The following KCNG4 variants were observed in gnomAD, a reference collection of about 807,000 sequenced individuals.
KCNG4 encodes potassium voltage-gated channel modifier subfamily G member 4.
KCNG4 carries 30 observed loss-of-function variants against 28.2 expected under a neutral mutation model. The observed-to-expected ratio is 1.06, with a 90% CI of 0.80 to 1.44. KCNG4 has a LOEUF of 1.44. Ranked by LOEUF, KCNG4 falls within the 40% of genes most tolerant of loss-of-function variation. KCNG4 has a pLI of 0.00. For synonymous variants in KCNG4, 375 were observed against 315.5 expected, an observed-to-expected ratio of 1.19 and a Z score of -2.00; for missense variants, 879 against 712.3, an observed-to-expected ratio of 1.23 and a Z score of -2.66.
chr16:84,227,516 G>A (rs952814343), intron 2 of KCNG4, among the ~76,000 whole-genome samples: 3 of 152,286 alleles, frequency 2.0e-5, no homozygotes, highest in Admixed American at 2.0e-4. Context: ...GGTGGAGGTT[G>A]CAGGGAGCCA....
In KCNG4 at chr16:84,237,215, A is replaced by G. The variant is rs1904989165; in HGVS notation, c.271T>C (p.Cys91Arg). The G allele has an allele frequency of 1.2e-6, 2 of 1,614,032 alleles. No homozygotes were observed. Among genetic ancestry groups the G allele is most frequent in the African/African-American group, 1.3e-5 (1 of 74,934 alleles). ...PLSRLSKLRL[C>R]RSYEEIVQLC... is the part of the protein sequence containing the mutation. The stretch of plus-strand genomic sequence containing the variant: ...TGCACGATCTCCTCGTAGCTCCGAC[A>G]GAGCCTGAGTTTGCTCAGGCGGCTC... The change falls in exon 2 of 3, where the codon TGT becomes CGT. Residue 91 changes from cysteine to arginine, a missense_variant. Coordinates refer to ENST00000308251, the MANE Select transcript of KCNG4 (RefSeq NM_172347.3).
intron 2 of KCNG4, among the ~76,000 whole-genome samples, chr16:84,225,681 C>A (rs1208258335): frequency 6.6e-6 from 1 of 152,356 alleles, no homozygotes; most frequent in East Asian, 1.9e-4. Flanking sequence ...GAAGGTGACT[C>A]CTGAGAGGCC....
At position 84,220,602 on chromosome 16, in the gene KCNG4, G is replaced by A. The variant is rs1904535103; in HGVS notation, c.*1615C>T. ...ATACGTACACGATATCAGATTGGCA[G>A]GGCCGAAACCACTTCACTGTCACCT... On this transcript the variant is annotated 3_prime_UTR_variant, in exon 3 of 3. Transcript: ENST00000308251. 1 of 152,252 alleles carries A rather than the reference G, an allele frequency of 6.6e-6. No individual in the cohort carries two copies. The highest frequency in any genetic ancestry group is 2.1e-4 in the South Asian group (1 of 4,828). The allele number at this position is 152,252 out of a possible 1,614,324, so 9.4% of individuals were successfully genotyped here.
In KCNG4 at chr16:84,222,937, C is replaced by CCGCAGAACT; in HGVS notation, c.839_840insAGTTCTGCG (p.Arg280_Phe281insValLeuArg). ...GACACTTGTCTTGGGCCTGGACAAACCGCAGGCAGAACTCCAGGGAGAACC... is the reference window on the plus strand; with the variant it reads ...GACACTTGTCTTGGGCCTGGACAAACCGCAGAACTCGCAGGCAGAACTCCAGGGAGAACC... On this transcript the variant is annotated inframe_insertion, in exon 3 of 3. Transcript: ENST00000308251. The CCGCAGAACT allele has an allele frequency of 6.3e-7, 1 of 1,595,402 alleles. No individual in the cohort carries two copies. The highest frequency in any genetic ancestry group is 1.1e-5 in the South Asian group (1 of 88,608).
At position 84,220,208 on chromosome 16, in the gene KCNG4, A is replaced by G. The variant is rs1432401779; in HGVS notation, c.*2009T>C. The G allele has an allele frequency of 1.3e-5, 2 of 152,262 alleles. No individual in the cohort carries two copies. The highest frequency in any genetic ancestry group is 2.9e-5 in the Non-Finnish European group (2 of 68,054). 9.4% of individuals were successfully genotyped at this position (152,262 alleles called of 1,614,324 possible). ...TGTCACTTTGTGGAGTGGAGTGGCC[A>G]TCCAGGCTGGGGATTTTATAGGGTG... On this transcript the variant is annotated 3_prime_UTR_variant, in exon 3 of 3. Coordinates refer to ENST00000308251, the MANE Select transcript of KCNG4 (RefSeq NM_172347.3).
At position 84,222,759 on chromosome 16, in the gene KCNG4, G is replaced by T. The variant is rs371318548; in HGVS notation, c.1018C>A (p.Arg340=). 1.2e-6 allele frequency: 2 copies of T among 1,611,600 alleles called. No homozygotes were observed. Among genetic ancestry groups the T allele is most frequent in the South Asian group, 1.1e-5 (1 of 90,782 alleles). ...EKVGLVLRVL[R]ALRILYVMRL... Reference sequence around the variant, plus strand: ...ATCACGTAGAGGATGCGCAGCGCTCGCAGCACACGCAGGACCAGCCCCACC... The same window carrying T: ...ATCACGTAGAGGATGCGCAGCGCTCTCAGCACACGCAGGACCAGCCCCACC... The change falls in exon 3 of 3, where the codon CGA becomes AGA. Residue 340 remains arginine, a synonymous_variant. Coordinates refer to ENST00000308251, the MANE Select transcript of KCNG4 (RefSeq NM_172347.3).
At position 84,223,082 on chromosome 16, in the gene KCNG4, G is replaced by A. The variant is rs912510612; in HGVS notation, c.757-62C>T. On this transcript the variant is annotated intron_variant, in intron 2 of 2. Transcript: ENST00000308251. ...TGGACTTGCAACTGTGCTGGAAATC[G>A]GGGGACGACTTCATGCCCATGAGCT... 172 of 1,321,222 alleles carry A rather than the reference G, an allele frequency of 1.3e-4. No individual in the cohort carries two copies. In the South Asian group the frequency reaches 1.4e-3, roughly 11 times the overall value. The allele number at this position is 1,321,222 out of a possible 1,614,324, so 81.8% of individuals were successfully genotyped here. A position where few individuals can be genotyped will look rare whatever the true frequency, so the allele number is the denominator to read the frequency against.
intron 2 of KCNG4, among the ~76,000 whole-genome samples, chr16:84,227,170 CA>C (rs1272083812): frequency 6.6e-6 from 1 of 152,154 alleles, no homozygotes; most frequent in African/African-American, 2.4e-5. Context: ...GGGGCAGCGG[CA>C]GTGGAAACAG....
intron 2 of KCNG4, among the ~76,000 whole-genome samples, chr16:84,233,980 A>C (rs76637381): frequency 6.6e-6 from 1 of 152,124 alleles, no homozygotes; most frequent in East Asian, 1.9e-4. Context: ...TCACTTCCCT[A>C]TGCTGCCACA....
chr16:84,232,581 G>C (rs1343717315), intron 2 of KCNG4, among the ~76,000 whole-genome samples: 1 of 152,090 alleles, frequency 6.6e-6, no homozygotes, highest in East Asian at 1.9e-4. Flanking sequence ...TCAATTTCAT[G>C]TTATGTAAAT....
intron 2 of KCNG4, 50 bp from the exon 3 acceptor site, chr16:84,223,070 G>T: frequency 3.5e-6 from 5 of 1,430,694 alleles, no homozygotes; most frequent in Non-Finnish European, 4.7e-6. Flanking sequence ...ACTTGCAACT[G>T]TGCTGGAAAT....
Position 84,232,412 on chromosome 16 carries a change from C to A in KCNG4, c.756+4318G>T, listed in dbSNP as rs1904847872. 2.0e-5 allele frequency among the ~76,000 whole-genome samples: 3 copies of A among 152,164 alleles called. No homozygotes were observed. In the South Asian group the frequency reaches 6.2e-4, roughly 32 times the overall value. On this transcript the variant is annotated intron_variant, in intron 2 of 2. Coordinates refer to ENST00000308251, the MANE Select transcript of KCNG4 (RefSeq NM_172347.3). ...GAGATAGAAAGCAGATGGGTGATTG[C>A]CAGGGGCTGGTGGGAGAGGAAGGAG...
intron 2 of KCNG4, among the ~76,000 whole-genome samples, chr16:84,232,297 G>C (rs1436866241): frequency 6.6e-6 from 1 of 152,216 alleles, no homozygotes; most frequent in Non-Finnish European, 1.5e-5. Context: ...GGACCTTGAA[G>C]ACATGATGCT....
Position 84,237,133 on chromosome 16 carries a change from C to A in KCNG4, c.353G>T (p.Ser118Ile). Reference protein sequence around the residue: ...SQEFFFDRSPSAFGVIVSFLA... With the variant: ...SQEFFFDRSPIAFGVIVSFLA... ...GAAGCTCACGATCACCCCGAAGGCGCTGGGGCTCCTGTCGAAGAAGAACTC... is the reference window on the plus strand; with the variant it reads ...GAAGCTCACGATCACCCCGAAGGCGATGGGGCTCCTGTCGAAGAAGAACTC... The change falls in exon 2 of 3, where the codon AGC becomes ATC. Residue 118 changes from serine (S) to isoleucine (I), a missense_variant. Transcript: ENST00000308251. The A allele has an allele frequency of 2.5e-6, 4 of 1,614,188 alleles. No homozygotes were observed. Among genetic ancestry groups the A allele is most frequent in the Non-Finnish European group, 3.4e-6 (4 of 1,180,046 alleles).
In KCNG4 at chr16:84,237,219, C is replaced by T. The variant is rs776039046; in HGVS notation, c.267G>A (p.Arg89=). 9 of 1,614,132 alleles carry T rather than the reference C, an allele frequency of 5.6e-6. No homozygotes were observed. Among genetic ancestry groups the T allele is most frequent in the Middle Eastern group, 1.6e-4 (1 of 6,062 alleles). Residue 89 remains arginine (R), a synonymous_variant, in exon 2 of 3, where the codon AGG becomes AGA. Transcript: ENST00000308251. Reference sequence around the variant, plus strand: ...CGATCTCCTCGTAGCTCCGACAGAGCCTGAGTTTGCTCAGGCGGCTCAGCG... The same window carrying T: ...CGATCTCCTCGTAGCTCCGACAGAGTCTGAGTTTGCTCAGGCGGCTCAGCG... ...RFPLSRLSKL[R]LCRSYEEIVQ... is the part of the protein sequence containing the mutation.
intron 2 of KCNG4, among the ~76,000 whole-genome samples, chr16:84,234,012 G>A (rs1441710739): frequency 6.6e-6 from 1 of 152,188 alleles, no homozygotes; most frequent in Non-Finnish European, 1.5e-5. Flanking sequence ...AGTCCACGGT[G>A]TGAAATGCCA....
At chr16:84,232,456 G>A (rs1904849059) in intron 2 of KCNG4, among the ~76,000 whole-genome samples, 1 of 152,186 alleles carries the variant, frequency 6.6e-6, no homozygotes, top group African/African-American at 2.4e-5. Flanking sequence ...GCCTAGTTGG[G>A]ACAGGGTTTT....
Position 84,222,188 on chromosome 16 carries a change from G to A in KCNG4, c.*29C>T. 1 of 1,607,488 alleles carries A rather than the reference G, an allele frequency of 6.2e-7. No homozygotes were observed. Among genetic ancestry groups the A allele is most frequent in the Non-Finnish European group, 8.5e-7 (1 of 1,175,240 alleles). On this transcript the variant is annotated 3_prime_UTR_variant, in exon 3 of 3. Coordinates refer to ENST00000308251, the MANE Select transcript of KCNG4 (RefSeq NM_172347.3). ...GTTTCAGGCAGGGTGATGGGTTGAGGTTACCATGTAGTCATGGGGGGTGCT... is the reference window on the plus strand; with the variant it reads ...GTTTCAGGCAGGGTGATGGGTTGAGATTACCATGTAGTCATGGGGGGTGCT...
chr16:84,237,151 A>C lies in KCNG4; in HGVS notation c.335T>G (p.Phe112Cys). The C allele has an allele frequency of 6.2e-7, 1 of 1,614,192 alleles. No homozygotes were observed. Among genetic ancestry groups the C allele is most frequent in the Non-Finnish European group, 8.5e-7 (1 of 1,180,044 alleles). Residue 112 changes from phenylalanine (F) to cysteine (C), a missense_variant, in exon 2 of 3, where the codon TTC (phenylalanine) becomes TGC (cysteine). Physicochemically the swap from Phe to Cys is radical, Grantham distance 205. Transcript: ENST00000308251. ...GAAGGCGCTGGGGCTCCTGTCGAAG[A>C]AGAACTCCTGGCTGTCCTCGTCGTA... is the stretch of plus-strand genomic sequence containing the variant. ...DDYDEDSQEF[F>C]FDRSPSAFGV...
Sources: gnomAD v4.1 joint callset for allele counts (sites outside exome capture counted in the v4.1 genomes callset) on GRCh38, gnomAD v4.1.1 for gene constraint, MANE v1.5 for transcripts, NCBI Gene and HGNC (gene_info 2026-07-23, HGNC 2026-07-21) for gene names.